IPCEF1: variants seen among roughly 807,000 people sequenced by gnomAD.
IPCEF1 encodes the protein interaction protein for cytohesin exchange factors 1, also known as interactor protein for cytohesin exchange factors 1.
In IPCEF1, 31 loss-of-function variants were observed where a neutral mutation model predicts 50.9. The observed-to-expected ratio is 0.61, with a 90% CI of 0.46 to 0.82. IPCEF1 has a LOEUF of 0.82. Among genes scored for constraint, IPCEF1 ranks in the 40% least tolerant of loss-of-function variants. IPCEF1 has a pLI of 0.00. For missense variants in IPCEF1, 458 were observed against 514.0 expected, an observed-to-expected ratio of 0.89 and a Z score of 1.05; for synonymous variants, 181 against 192.0, an observed-to-expected ratio of 0.94 and a Z score of 0.47.
At chr6:154,167,106 T>C (rs2128553209) in intron 11 of IPCEF1, among the ~76,000 whole-genome samples, 1 of 152,316 alleles carries the variant, frequency 6.6e-6, no homozygotes, top group East Asian at 1.9e-4. Flanking sequence ...ATGACTTAAG[T>C]TCTTAATGCC....
At chr6:154,179,254 G>A (rs1202534774) in intron 10 of IPCEF1, among the ~76,000 whole-genome samples, 2 of 152,164 alleles carry the variant, frequency 1.3e-5, no homozygotes, top group Admixed American at 1.3e-4. Flanking sequence ...GCTATACTAA[G>A]ACTACAGCAG....
chr6:154,233,307 C>T lies in IPCEF1; in HGVS notation c.247-10064G>A, dbSNP rs1332435085. 5.9e-5 allele frequency among the ~76,000 whole-genome samples: 9 copies of T among 152,160 alleles called. No individual in the cohort carries two copies. The East Asian group carries it at 1.7e-3, about 29-fold the overall frequency. On this transcript the variant is annotated intron_variant, in intron 5 of 11. Coordinates refer to ENST00000367220, the MANE Select transcript of IPCEF1 (RefSeq NM_001130700.2). ...TAGCTGTTTCTGTGTCTCGGCTCTC[C>T]TCTCTTTTCTTTGCATCAGATTAAT...
chr6:154,285,583 A>G (rs1250335111), intron 2 of IPCEF1, among the ~76,000 whole-genome samples: 2 of 152,210 alleles, frequency 1.3e-5, no homozygotes, highest in African/African-American at 4.8e-5. Context: ...TTTTCAAGGA[A>G]TAATCTCCAT....
chr6:154,237,620 T>G (rs1780237311), intron 5 of IPCEF1, among the ~76,000 whole-genome samples: 1 of 152,154 alleles, frequency 6.6e-6, no homozygotes, highest in Non-Finnish European at 1.5e-5. Context: ...TGGTCAACAT[T>G]TACTTGCAAG....
At chr6:154,257,986 A>C (rs1440249171) in intron 3 of IPCEF1, among the ~76,000 whole-genome samples, 8 of 152,296 alleles carry the variant, frequency 5.3e-5, no homozygotes, top group Middle Eastern at 3.4e-3. Context: ...TACAGGTGTG[A>C]GCCACCATAC....
At chr6:154,174,831 A>G (rs1248561217) in intron 10 of IPCEF1, among the ~76,000 whole-genome samples, 1 of 152,236 alleles carries the variant, frequency 6.6e-6, no homozygotes, top group Non-Finnish European at 1.5e-5. Flanking sequence ...CCTAACAGAC[A>G]TCTACAGAAC....
At chr6:154,169,953 A>G (rs980506891) in intron 10 of IPCEF1, among the ~76,000 whole-genome samples, 1 of 152,212 alleles carries the variant, frequency 6.6e-6, no homozygotes, top group Non-Finnish European at 1.5e-5. Context: ...TATCCCAAGA[A>G]TAATGATATG....
intron 1 of IPCEF1, among the ~76,000 whole-genome samples, chr6:154,343,945 T>C (rs1292721095): frequency 6.6e-6 from 1 of 152,148 alleles, no homozygotes; most frequent in African/African-American, 2.4e-5. Flanking sequence ...TATCCCCACG[T>C]GTGTAGAACA....
At chr6:154,265,455 A>G (rs1781732160) in intron 3 of IPCEF1, among the ~76,000 whole-genome samples, 3 of 151,274 alleles carry the variant, frequency 2.0e-5, no homozygotes, top group African/African-American at 7.3e-5. Context: ...TAATTTTTGT[A>G]TTTTTAGTAC....
At chr6:154,167,838 G>A in intron 11 of IPCEF1, 82 bp downstream of exon 11, 1 of 1,048,210 alleles carries the variant, frequency 9.5e-7, no homozygotes, top group Non-Finnish European at 1.4e-6. Flanking sequence ...AACATGCTGT[G>A]ATTAGCAAGA....
intron 1 of IPCEF1, among the ~76,000 whole-genome samples, chr6:154,295,956 G>A (rs1782646810): frequency 1.3e-5 from 2 of 151,608 alleles, no homozygotes; most frequent in African/African-American, 2.4e-5. Context: ...TTGGCTGGCC[G>A]CCATCTAATG....
At chr6:154,213,420 G>A (rs1412085845) in intron 8 of IPCEF1, 1 of 154,046 alleles carries the variant, frequency 6.5e-6, no homozygotes, top group Non-Finnish European at 1.4e-5. Context: ...TCTATAAATA[G>A]ACAATGGGTA....
intron 3 of IPCEF1, among the ~76,000 whole-genome samples, chr6:154,256,415 A>G (rs569017822): frequency 4.9e-4 from 74 of 152,298 alleles, no homozygotes; most frequent in African/African-American, 1.8e-3. Flanking sequence ...GAGGGACACA[A>G]ATATCCAGGC....
chr6:154,291,483 T>C (rs1782511648), intron 1 of IPCEF1, among the ~76,000 whole-genome samples: 1 of 152,132 alleles, frequency 6.6e-6, no homozygotes, highest in South Asian at 2.1e-4. Context: ...AATGAACACC[T>C]AGATGGCCTT....
intron 1 of IPCEF1, among the ~76,000 whole-genome samples, chr6:154,345,364 T>C (rs1363720675): frequency 6.6e-6 from 1 of 152,210 alleles, no homozygotes; most frequent in East Asian, 1.9e-4. Context: ...GCTTAAGACA[T>C]TATCTTTCTT....
chr6:154,306,439 T>C (rs1433413357), intron 1 of IPCEF1, among the ~76,000 whole-genome samples: 1 of 152,276 alleles, frequency 6.6e-6, no homozygotes, highest in Admixed American at 6.5e-5. Flanking sequence ...GGTCTCTCTA[T>C]GTTGCGAGGC....
chr6:154,280,358 G>A (rs751196425), intron 2 of IPCEF1, among the ~76,000 whole-genome samples: 3 of 152,142 alleles, frequency 2.0e-5, no homozygotes, highest in African/African-American at 4.8e-5. Context: ...TGGAGGCCAG[G>A]AGTTCAAGAC....
chr6:154,219,024 C>G (rs1361484155), intron 7 of IPCEF1: 2 of 152,198 alleles, frequency 1.3e-5, no homozygotes, highest in Non-Finnish European at 2.9e-5. Context: ...TATATCATAT[C>G]TACCCATGCA....
chr6:154,333,646 A>G (rs1783723639), intron 1 of IPCEF1, among the ~76,000 whole-genome samples: 1 of 151,566 alleles, frequency 6.6e-6, no homozygotes, highest in Non-Finnish European at 1.5e-5. Context: ...ACAAGTATAC[A>G]TGTATACATA....
Sources: gnomAD v4.1 joint callset for allele counts (sites outside exome capture counted in the v4.1 genomes callset) on GRCh38, gnomAD v4.1.1 for gene constraint, MANE v1.5 for transcripts, NCBI Gene and HGNC (gene_info 2026-07-23, HGNC 2026-07-21) for gene names.